The following FRS2 variants were observed in gnomAD, a reference collection of about 807,000 sequenced individuals.
FRS2 encodes the protein FGFR signalling adaptor.
FRS2 carries 8 observed loss-of-function variants against 43.9 expected under a neutral mutation model. The observed-to-expected ratio is 0.18, with a 90% CI of 0.11 to 0.33. The LOEUF (loss-of-function observed/expected upper bound fraction) is 0.33, where lower values mean the gene tolerates loss of function less well. Among genes scored for constraint, FRS2 ranks in the 10% least tolerant of loss-of-function variants. FRS2 has a pLI of 1.00. For missense variants in FRS2, 534 were observed against 627.6 expected, an observed-to-expected ratio of 0.85 and a Z score of 1.59; for synonymous variants, 219 against 220.3, an observed-to-expected ratio of 0.99 and a Z score of 0.05.
At position 69,504,121 on chromosome 12, in the gene FRS2, ATC is replaced by A. The variant is rs567741761; in HGVS notation, c.-260-26738_-260-26737del. Among the ~76,000 whole-genome samples, 12 of 152,332 alleles carry A rather than the reference ATC, an allele frequency of 7.9e-5. No individual in the cohort carries two copies. In the South Asian group the frequency reaches 2.5e-3, roughly 32 times the overall value. ...AAGTATTCAACAGAGAACAGGAGAC[ATC>A]TCTCTGTTCTGATGGAGCTTTCATT... On this transcript the variant is annotated intron_variant, in intron 1 of 8. Coordinates refer to ENST00000549921, the MANE Select transcript of FRS2 (RefSeq NM_001278356.2).
chr12:69,472,226 A>C (rs1293375270), intron 1 of FRS2, among the ~76,000 whole-genome samples: 2 of 150,824 alleles, frequency 1.3e-5, no homozygotes, highest in Non-Finnish European at 2.9e-5. Flanking sequence ...GGCTAGGACT[A>C]TAGGCACCAA....
In FRS2 at chr12:69,515,602, C is replaced by T. The variant is rs577679586; in HGVS notation, c.-260-15263C>T. 1.1e-3 allele frequency among the ~76,000 whole-genome samples: 160 copies of T among 152,172 alleles called. 1 individual carries two copies. The highest frequency in any genetic ancestry group is 3.2e-3 in the African/African-American group (134 of 41,506). On this transcript the variant is annotated intron_variant, in intron 1 of 8. Coordinates refer to ENST00000549921, the MANE Select transcript of FRS2 (RefSeq NM_001278356.2). ...TCTCTCTCTCACACACATACACATA[C>T]TCACACCCACTCCTCGAGAGGGAGA...
intron 1 of FRS2, among the ~76,000 whole-genome samples, chr12:69,482,763 A>G (rs1035217908): frequency 7.2e-5 from 11 of 152,236 alleles, no homozygotes; most frequent in Non-Finnish European, 1.2e-4. Flanking sequence ...TTATGTAAGT[A>G]TAGGCTTTGA....
At chr12:69,506,991 C>T (rs577804) in intron 1 of FRS2, among the ~76,000 whole-genome samples, 91,142 of 152,058 alleles carry the variant, frequency 0.6, 29,030 homozygotes, top group African/African-American at 0.82. Flanking sequence ...AGCCCCACCA[C>T]GTGATGCCCT....
chr12:69,544,488 C>T (rs1049157765), intron 3 of FRS2, among the ~76,000 whole-genome samples: 2 of 152,132 alleles, frequency 1.3e-5, no homozygotes, highest in Non-Finnish European at 2.9e-5. Flanking sequence ...GGGTGAGTCA[C>T]TTGAGATCAG....
At chr12:69,548,728 C>T (rs1878624105) in intron 3 of FRS2, among the ~76,000 whole-genome samples, 1 of 152,148 alleles carries the variant, frequency 6.6e-6, no homozygotes, top group African/African-American at 2.4e-5. Flanking sequence ...TGATATTGGC[C>T]AGGTTTGCTG....
chr12:69,489,467 C>T (rs903622176), intron 1 of FRS2, among the ~76,000 whole-genome samples: 7 of 152,030 alleles, frequency 4.6e-5, no homozygotes, highest in Non-Finnish European at 1.0e-4. Context: ...CTCAGGAGTT[C>T]AAGACCAGCC....
chr12:69,488,931 C>G (rs12315784), intron 1 of FRS2, among the ~76,000 whole-genome samples: 7,227 of 152,116 alleles, frequency 0.048, 558 homozygotes, highest in African/African-American at 0.17. Context: ...AGGTGATGAG[C>G]CTGTGTTGGG....
intron 3 of FRS2, among the ~76,000 whole-genome samples, chr12:69,542,677 A>G (rs1038687914): frequency 3.3e-5 from 5 of 152,236 alleles, no homozygotes; most frequent in African/African-American, 1.2e-4. Flanking sequence ...GAAATAACTC[A>G]GTAGACCAAA....
At chr12:69,556,826 A>G (rs1021629784) in intron 3 of FRS2, among the ~76,000 whole-genome samples, 7 of 152,242 alleles carry the variant, frequency 4.6e-5, no homozygotes. Context: ...TTGTTTTAAA[A>G]AATAAAGCCA....
At chr12:69,545,710 C>A (rs1019414685) in intron 3 of FRS2, among the ~76,000 whole-genome samples, 11 of 137,420 alleles carry the variant, frequency 8.0e-5, no homozygotes, top group African/African-American at 2.9e-4. Context: ...GAGCTGAGAT[C>A]GTGCCACTGC....
chr12:69,575,158 CGTT>C lies in FRS2; in HGVS notation c.*206_*208del, dbSNP rs1235854181. On this transcript the variant is annotated 3_prime_UTR_variant, in exon 9 of 9. Transcript: ENST00000549921. ...AACACTAATTTCATTATATACTACT[CGTT>C]GTACAGCAGCATTCCCGTTTTCACA... 1.4e-5 allele frequency: 7 copies of C among 502,404 alleles called. No homozygotes were observed. The highest frequency in any genetic ancestry group is 7.6e-5 in the South Asian group (2 of 26,294). 31.1% of individuals were successfully genotyped at this position (502,404 alleles called of 1,614,324 possible). A position where few individuals can be genotyped will look rare whatever the true frequency, so the allele number is the denominator to read the frequency against.
intron 1 of FRS2, among the ~76,000 whole-genome samples, chr12:69,525,948 C>G (rs560502540): frequency 6.6e-6 from 1 of 152,182 alleles, no homozygotes; most frequent in South Asian, 2.1e-4. Context: ...TTCCTTCCGC[C>G]CCCTGGGTTC....
intron 1 of FRS2, among the ~76,000 whole-genome samples, chr12:69,505,585 G>A (rs938756139): frequency 3.3e-5 from 5 of 152,140 alleles, no homozygotes; most frequent in African/African-American, 7.2e-5. Flanking sequence ...CAGCATATAA[G>A]TTATATTAGA....
At chr12:69,527,196 G>A (rs1374384737) in intron 1 of FRS2, among the ~76,000 whole-genome samples, 3 of 151,996 alleles carry the variant, frequency 2.0e-5, no homozygotes, top group Non-Finnish European at 4.4e-5. Context: ...TTAGACCTAA[G>A]CATGGCACAT....
At position 69,512,688 on chromosome 12, in the gene FRS2, T is replaced by C. The variant is rs568408592; in HGVS notation, c.-260-18177T>C. On this transcript the variant is annotated intron_variant, in intron 1 of 8. Coordinates refer to ENST00000549921, the MANE Select transcript of FRS2 (RefSeq NM_001278356.2). ...GTTAAGAAATAGCCCTTGGCACATA[T>C]GCAAAAATGATTTTACTTTATAACA... Among the ~76,000 whole-genome samples the C allele has an allele frequency of 2.2e-3, 342 of 152,314 alleles. 9 individuals are homozygous for C. In the Middle Eastern group the frequency reaches 0.031, roughly 14 times the overall value.
At chr12:69,511,713 T>TATATACGACTGGCTAGTTGGTTA (rs1353703149) in intron 1 of FRS2, among the ~76,000 whole-genome samples, 1 of 152,166 alleles carries the variant, frequency 6.6e-6, no homozygotes, top group African/African-American at 2.4e-5. Context: ...TTTCTTACTA[T>TATATACGACTGGCTAGTTGGTTA]ATATACGACT....
Position 69,479,390 on chromosome 12 carries a change from C to CT in FRS2, c.-261+8877dup, listed in dbSNP as rs57688271. On this transcript the variant is annotated intron_variant, in intron 1 of 8. Coordinates refer to ENST00000549921, the MANE Select transcript of FRS2 (RefSeq NM_001278356.2). Reference sequence around the variant, plus strand: ...GTCCTTTACAGTTAATCTGTTGTTTCTTTTTTTTTTTTTTTTTCTTTTTTT... The same window carrying CT: ...GTCCTTTACAGTTAATCTGTTGTTTCTTTTTTTTTTTTTTTTTTCTTTTTTT... Among the ~76,000 whole-genome samples the CT allele has an allele frequency of 2.5e-3, 304 of 119,606 alleles. 1 individual carries two copies. The highest frequency in any genetic ancestry group is 5.7e-3 in the South Asian group (21 of 3,708). 78.5% of individuals were successfully genotyped at this position (119,606 alleles called of 152,430 possible). A position where few individuals can be genotyped will look rare whatever the true frequency, so the allele number is the denominator to read the frequency against.
At chr12:69,525,486 C>T (rs576261414) in intron 1 of FRS2, among the ~76,000 whole-genome samples, 32 of 152,298 alleles carry the variant, frequency 2.1e-4, no homozygotes, top group Middle Eastern at 3.4e-3. Context: ...ACATTGATTT[C>T]AAAACCATGC....
Sources: gnomAD v4.1 joint callset for allele counts (sites outside exome capture counted in the v4.1 genomes callset) on GRCh38, gnomAD v4.1.1 for gene constraint, MANE v1.5 for transcripts, NCBI Gene and HGNC (gene_info 2026-07-23, HGNC 2026-07-21) for gene names.